The following DNMT3L variants were observed in gnomAD, a reference collection of about 807,000 sequenced individuals.
DNMT3L encodes DNA methyltransferase 3 like, also known as DNA (cytosine-5)-methyltransferase 3-like.
A neutral mutation model predicts 36.2 loss-of-function variants in DNMT3L; 33 were observed. That is an observed-to-expected ratio of 0.91 (90% CI 0.69 to 1.22). The LOEUF is 1.22. Ranked by LOEUF, DNMT3L falls within the 50% of genes most tolerant of loss-of-function variation. DNMT3L has a pLI of 0.00. For missense variants in DNMT3L, 310 were observed against 303.1 expected (o/e 1.02, Z -0.17); for synonymous variants, 117 against 121.7 (o/e 0.96, Z 0.26).
chr21:44,260,127 C>T (rs561413899), intron 3 of DNMT3L, among the ~76,000 whole-genome samples: 3 of 151,972 alleles, frequency 2.0e-5, no homozygotes, highest in East Asian at 1.9e-4. Context: ...GCTGCAGAGC[C>T]CTCTCAAAAT....
chr21:44,261,361 G>A (rs2040317462), intron 1 of DNMT3L, 95 bp from the exon 2 acceptor site: 7 of 1,216,370 alleles, frequency 5.8e-6, no homozygotes, highest in Non-Finnish European at 8.2e-6. Flanking sequence ...TTGCTGAGCA[G>A]ACCTTGACTA....
intron 3 of DNMT3L, 48 bp from the exon 4 acceptor site, chr21:44,259,759 T>C: frequency 6.5e-7 from 1 of 1,543,486 alleles, no homozygotes; most frequent in East Asian, 2.3e-5. Context: ...TGCTGTCAAA[T>C]ACAGCAGACG....
Position 44,259,465 on chromosome 21 carries a change from GCA to G in DNMT3L, c.314_315del (p.Leu105ProfsTer7). 1.2e-6 allele frequency: 2 copies of G among 1,613,654 alleles called. No homozygotes were observed. The highest frequency in any genetic ancestry group is 1.3e-5 in the African/African-American group (1 of 75,036). Reference sequence around the variant, plus strand: ...GTGCAATCAGGGTTTCCGCAGATGAGCAGCGTCTCTCCGGAGCAGCAGATGGA... The same window carrying G: ...GTGCAATCAGGGTTTCCGCAGATGAGGCGTCTCTCCGGAGCAGCAGATGGA... ...YCSICCSGET[L>X]LICGNPDCTR... On this transcript the variant is annotated frameshift_variant, in exon 5 of 12. Coordinates refer to ENST00000628202, the MANE Select transcript of DNMT3L (RefSeq NM_175867.3). LOFTEE classifies it high-confidence loss of function.
At chr21:44,255,817 C>T (rs1418786272) in intron 7 of DNMT3L, among the ~76,000 whole-genome samples, 1 of 152,244 alleles carries the variant, frequency 6.6e-6, no homozygotes, top group East Asian at 1.9e-4. Flanking sequence ...CAGCGGGACA[C>T]ATCCCTAACG....
Position 44,258,497 on chromosome 21 carries a change from G to A in DNMT3L, c.516+26C>T, listed in dbSNP as rs530312664. On this transcript the variant is annotated intron_variant, in intron 6 of 11. Coordinates refer to ENST00000628202, the MANE Select transcript of DNMT3L (RefSeq NM_175867.3). This position sits in a 1 kb window ranked among gnomAD's most constrained non-coding sequence, Gnocchi z 6.2. ...GTAAGTCAGGGCCTGCTGCTGCCGG[G>A]TGCTGCCCCTCCACGGGCTCCTTAC... The A allele has an allele frequency of 8.5e-6, 13 of 1,529,708 alleles. No individual in the cohort carries two copies. Among genetic ancestry groups the A allele is most frequent in the Non-Finnish European group, 1.1e-5 (13 of 1,133,524 alleles). 94.8% of individuals were successfully genotyped at this position (1,529,708 alleles called of 1,614,324 possible).
chr21:44,261,016 T>G, intron 2 of DNMT3L, 138 bp downstream of exon 2: 2 of 1,360,242 alleles, frequency 1.5e-6, no homozygotes, highest in Non-Finnish European at 2.0e-6. Context: ...GGGGGAAGAC[T>G]GTGGGTGGGG....
rs531078155 is a variant in DNMT3L at position 44,259,466 on chromosome 21, C to T, written c.315G>A (p.Leu105=). The T allele has an allele frequency of 1.9e-6, 3 of 1,613,670 alleles. No individual in the cohort carries two copies. Among genetic ancestry groups the T allele is most frequent in the East Asian group, 4.5e-5 (2 of 44,890 alleles). The part of the protein sequence containing the change: ...YCSICCSGET[L]LICGNPDCTR... Reference sequence around the variant, plus strand: ...TGCAATCAGGGTTTCCGCAGATGAGCAGCGTCTCTCCGGAGCAGCAGATGG... The same window carrying T: ...TGCAATCAGGGTTTCCGCAGATGAGTAGCGTCTCTCCGGAGCAGCAGATGG... Residue 105 remains leucine (L), a synonymous_variant, in exon 5 of 12, where the codon CTG becomes CTA. Transcript: ENST00000628202.
intron 6 of DNMT3L, among the ~76,000 whole-genome samples, chr21:44,256,947 C>T (rs1032758952): frequency 2.6e-5 from 4 of 152,112 alleles, no homozygotes; most frequent in South Asian, 2.1e-4. Flanking sequence ...GAGATGACTT[C>T]GTTCAACCTT....
At chr21:44,256,494 G>A (rs1337511157) in intron 6 of DNMT3L, among the ~76,000 whole-genome samples, 2 of 148,008 alleles carry the variant, frequency 1.4e-5, no homozygotes, top group Non-Finnish European at 1.5e-5. Context: ...TGCAATCTTG[G>A]CTCACTGCAA....
chr21:44,259,714 A>G lies in DNMT3L; in HGVS notation c.152-3T>C, dbSNP rs749383920. On this transcript the variant is annotated splice_region_variant and splice_polypyrimidine_tract_variant and intron_variant, in intron 3 of 11. Coordinates refer to ENST00000628202, the MANE Select transcript of DNMT3L (RefSeq NM_175867.3). Reference sequence around the variant, plus strand: ...ACTTCCGCAGCAGATGCAGATGTCTAAAGGAAACATTCAAAGCACACTGTG... The same window carrying G: ...ACTTCCGCAGCAGATGCAGATGTCTGAAGGAAACATTCAAAGCACACTGTG... 6.2e-7 allele frequency: 1 copy of G among 1,608,354 alleles called. No individual in the cohort carries two copies. Among genetic ancestry groups the G allele is most frequent in the Non-Finnish European group, 8.5e-7 (1 of 1,177,024 alleles).
At chr21:44,254,018 A>G (rs149920724) in intron 8 of DNMT3L, among the ~76,000 whole-genome samples, 4,590 of 152,298 alleles carry the variant, frequency 0.03, 102 homozygotes, top group Middle Eastern at 0.051. Context: ...TGCTGGTCCC[A>G]GGCCGGGAGC....
At chr21:44,256,368 C>T (rs866711840) in intron 6 of DNMT3L, among the ~76,000 whole-genome samples, 3 of 151,736 alleles carry the variant, frequency 2.0e-5, no homozygotes, top group Middle Eastern at 3.4e-3. Context: ...CTCAGTCTCC[C>T]GCTCTGACCT....
At position 44,258,647 on chromosome 21, in the gene DNMT3L, G is replaced by A. The variant is rs761829715; in HGVS notation, c.392C>T (p.Ser131Leu). 16 of 1,612,810 alleles carry A rather than the reference G, an allele frequency of 9.9e-6. No individual in the cohort carries two copies. The highest frequency in any genetic ancestry group is 4.4e-5 in the South Asian group (4 of 91,092). The change falls in exon 6 of 12, where the codon TCG (serine) becomes TTG (leucine). Residue 131 changes from serine to leucine, a missense_variant. By Grantham distance (145) the Ser-to-Leu change is moderately radical (BLOSUM62 -2). Coordinates refer to ENST00000628202, the MANE Select transcript of DNMT3L (RefSeq NM_175867.3). The surrounding 1 kb of genome is among the most constrained non-coding windows in gnomAD (Gnocchi z 6.2). ...GTTGCTCATGGCGTGCACCTTCCCC[G>A]AGGTCCCGGGGCCGACCAGGCTATC... ...CVDSLVGPGT[S>L]GKVHAMSNWV...
chr21:44,260,025 G>C (rs559406105), intron 3 of DNMT3L, among the ~76,000 whole-genome samples: 18 of 147,896 alleles, frequency 1.2e-4, no homozygotes, highest in African/African-American at 4.4e-4. Context: ...CTCCAGCCTG[G>C]GGGACAGAGT....
chr21:44,259,834 G>T, intron 3 of DNMT3L, 123 bp from the exon 4 acceptor site: 1 of 1,022,756 alleles, frequency 9.8e-7, no homozygotes, highest in Non-Finnish European at 1.5e-6. Flanking sequence ...AGTATTGTTG[G>T]AAGATGTTAA....
intron 3 of DNMT3L, among the ~76,000 whole-genome samples, chr21:44,260,187 G>A (rs921597558): frequency 8.6e-5 from 13 of 152,040 alleles, no homozygotes; most frequent in Non-Finnish European, 1.6e-4. Flanking sequence ...AAATTCATAC[G>A]GAAATGCAAA....
At chr21:44,256,298 T>A in intron 6 of DNMT3L, 144 bp from the exon 7 acceptor site, 1 of 831,308 alleles carries the variant, frequency 1.2e-6, no homozygotes, top group Admixed American at 2.1e-5. Flanking sequence ...TGAGGCTGAC[T>A]GGGCCTGTCC....
chr21:44,256,859 G>A (rs1464650362), intron 6 of DNMT3L, among the ~76,000 whole-genome samples: 2 of 152,212 alleles, frequency 1.3e-5, no homozygotes, highest in African/African-American at 4.8e-5. Context: ...CAGAGTGCTA[G>A]GCTCTGTTCC....
At chr21:44,255,925 G>T in intron 7 of DNMT3L, 142 bp downstream of exon 7, 1 of 811,306 alleles carries the variant, frequency 1.2e-6, no homozygotes, top group Non-Finnish European at 2.0e-6. Context: ...GTTAGCATGG[G>T]CCCAGGGTGG....
Sources: gnomAD v4.1 joint callset for allele counts (sites outside exome capture counted in the v4.1 genomes callset) on GRCh38, gnomAD v4.1.1 for gene constraint, Gnocchi (gnomAD v3.1) non-coding constraint, MANE v1.5 for transcripts, NCBI Gene and HGNC (gene_info 2026-07-23, HGNC 2026-07-21) for gene names.